The following NRIP1 variants were observed in gnomAD, a reference collection of about 807,000 sequenced individuals.
NRIP1 encodes nuclear receptor-interacting protein 1.
A neutral mutation model predicts 75.0 loss-of-function variants in NRIP1; 28 were observed. The observed-to-expected ratio is 0.37, with a 90% CI of 0.28 to 0.51. The LOEUF (loss-of-function observed/expected upper bound fraction) is 0.51. Among genes scored for constraint, NRIP1 ranks in the 20% least tolerant of loss-of-function variants. The pLI is 0.92. For synonymous variants in NRIP1, 526 were observed against 487.6 expected, an observed-to-expected ratio of 1.08 and a Z score of -1.04; for missense variants, 1,435 against 1,343.7, an observed-to-expected ratio of 1.07 and a Z score of -1.06.
At chr21:15,007,643 C>CATGT (rs1485030767) in intron 3 of NRIP1, among the ~76,000 whole-genome samples, 2 of 152,152 alleles carry the variant, frequency 1.3e-5, no homozygotes, top group Non-Finnish European at 2.9e-5. Context: ...AAGACAGTGA[C>CATGT]ATGTACCTTT....
intron 1 of NRIP1, among the ~76,000 whole-genome samples, chr21:15,060,585 C>A (rs2089403892): frequency 6.6e-6 from 1 of 152,092 alleles, no homozygotes; most frequent in Non-Finnish European, 1.5e-5. Context: ...AAAATGTGAT[C>A]TAATATTAAT....
intron 2 of NRIP1, among the ~76,000 whole-genome samples, chr21:15,030,606 T>C (rs1568992386): frequency 6.6e-6 from 1 of 152,184 alleles, no homozygotes; most frequent in Non-Finnish European, 1.5e-5. Context: ...AGTACAAATA[T>C]AGAGTTCTAA....
intron 3 of NRIP1, among the ~76,000 whole-genome samples, chr21:15,002,797 T>C (rs1007969854): frequency 6.6e-6 from 1 of 152,226 alleles, no homozygotes; most frequent in East Asian, 1.9e-4. Context: ...AGACTCTGCA[T>C]GGATTCTTCA....
intron 3 of NRIP1, among the ~76,000 whole-genome samples, chr21:14,998,895 G>A (rs2087791380): frequency 6.6e-6 from 1 of 152,094 alleles, no homozygotes; most frequent in Non-Finnish European, 1.5e-5. Context: ...AAGTTTTGAG[G>A]GAGTCAAAAG....
chr21:14,992,774 TA>T (rs1183333756), intron 3 of NRIP1: 1 of 152,168 alleles, frequency 6.6e-6, no homozygotes, highest in Non-Finnish European at 1.5e-5. Flanking sequence ...TGTTATTCAA[TA>T]ACATAAACAT....
intron 3 of NRIP1, among the ~76,000 whole-genome samples, chr21:14,994,427 T>C (rs1392865446): frequency 1.3e-5 from 2 of 152,232 alleles, no homozygotes; most frequent in African/African-American, 4.8e-5. Flanking sequence ...TTTTATGCTA[T>C]ACAGAGAGTT....
At chr21:15,044,353 T>C (rs1277052769) in intron 1 of NRIP1, among the ~76,000 whole-genome samples, 1 of 149,886 alleles carries the variant, frequency 6.7e-6, no homozygotes, top group Non-Finnish European at 1.5e-5. Flanking sequence ...GACACTGACG[T>C]GGAAAAGTTC....
intron 3 of NRIP1, among the ~76,000 whole-genome samples, chr21:14,991,836 T>C (rs2087580705): frequency 6.6e-6 from 1 of 152,182 alleles, no homozygotes; most frequent in Non-Finnish European, 1.5e-5. Flanking sequence ...AGGCATATGA[T>C]AAAGATTTGT....
intron 2 of NRIP1, among the ~76,000 whole-genome samples, chr21:15,032,560 C>CA (rs1027189733): frequency 6.6e-6 from 1 of 151,292 alleles, no homozygotes; most frequent in Admixed American, 6.6e-5. Context: ...ACCTTCTCAC[C>CA]ATATTCTCTA....
chr21:15,009,692 A>G (rs1216496736), intron 3 of NRIP1, among the ~76,000 whole-genome samples: 2 of 152,238 alleles, frequency 1.3e-5, no homozygotes, highest in East Asian at 3.8e-4. Flanking sequence ...ACTTTAAGTA[A>G]TCACCTCCAA....
intron 3 of NRIP1, chr21:14,974,127 C>T (rs868866793): frequency 1.5e-4 from 23 of 152,038 alleles, no homozygotes; most frequent in African/African-American, 5.1e-4. Flanking sequence ...AGAAATGACA[C>T]AAAACAACTT....
intron 2 of NRIP1, among the ~76,000 whole-genome samples, chr21:15,030,307 A>G (rs143699308): frequency 5.4e-4 from 83 of 152,334 alleles, no homozygotes; most frequent in African/African-American, 2.0e-3. Flanking sequence ...CTTTACTTGT[A>G]GTAAGGCCTT....
intron 1 of NRIP1, among the ~76,000 whole-genome samples, chr21:15,058,296 G>A (rs28758622): frequency 0.034 from 5,119 of 152,104 alleles, 285 homozygotes; most frequent in African/African-American, 0.11. Context: ...GTCCCTTTAG[G>A]AGAAAAACTG....
chr21:15,032,622 C>G (rs975800521), intron 2 of NRIP1, among the ~76,000 whole-genome samples: 6 of 152,098 alleles, frequency 3.9e-5, no homozygotes, highest in African/African-American at 1.4e-4. Context: ...CAAAAAGCAG[C>G]AACTGAATCA....
chr21:15,028,033 T>C (rs140421151), intron 2 of NRIP1, among the ~76,000 whole-genome samples: 321 of 152,322 alleles, frequency 2.1e-3, no homozygotes, highest in Admixed American at 4.8e-3. Context: ...AGTATAATAC[T>C]TAAAAATATT....
chr21:14,986,692 A>T (rs2087414173), intron 3 of NRIP1, among the ~76,000 whole-genome samples: 1 of 152,214 alleles, frequency 6.6e-6, no homozygotes, highest in Admixed American at 6.5e-5. Flanking sequence ...TATATGACAC[A>T]TCAAATCAAA....
At chr21:14,983,088 T>C (rs907799230) in intron 3 of NRIP1, among the ~76,000 whole-genome samples, 13 of 152,242 alleles carry the variant, frequency 8.5e-5, no homozygotes, top group African/African-American at 2.9e-4. Context: ...GGCCTCTGTG[T>C]GTTTTGCATG....
At chr21:15,027,696 C>T (rs1218725188) in intron 2 of NRIP1, among the ~76,000 whole-genome samples, 1 of 152,112 alleles carries the variant, frequency 6.6e-6, no homozygotes, top group Non-Finnish European at 1.5e-5. Flanking sequence ...GATCATTTTG[C>T]AAAAATTACT....
chr21:15,056,133 G>A (rs2089300736), intron 1 of NRIP1, among the ~76,000 whole-genome samples: 1 of 152,028 alleles, frequency 6.6e-6, no homozygotes, highest in South Asian at 2.1e-4. Flanking sequence ...AAACTAACTT[G>A]TTTGATAAAT....
Sources: allele counts gnomAD v4.1 joint callset (sites outside exome capture counted in the v4.1 genomes callset), GRCh38; gene constraint gnomAD v4.1.1; transcripts MANE v1.5; gene names NCBI Gene and HGNC (gene_info 2026-07-23, HGNC 2026-07-21).